PTPRD: variants seen among roughly 807,000 people sequenced by gnomAD.
PTPRD encodes protein tyrosine phosphatase receptor type D, also known as receptor-type tyrosine-protein phosphatase delta.
A neutral mutation model predicts 214.5 loss-of-function variants in PTPRD; 34 were observed. That is an observed-to-expected ratio of 0.16 (90% CI 0.12 to 0.21). The LOEUF is 0.21. Among genes scored for constraint, PTPRD ranks in the 10% least tolerant of loss-of-function variants. The pLI is 1.00. For synonymous variants in PTPRD, 1,128 were observed against 845.7 expected (o/e 1.33, Z -5.79); for missense variants, 2,545 against 2,398.7 (o/e 1.06, Z -1.27).
At chr9:8,609,522 A>G (rs1436856901) in intron 14 of PTPRD, among the ~76,000 whole-genome samples, 1 of 152,246 alleles carries the variant, frequency 6.6e-6, no homozygotes, top group Non-Finnish European at 1.5e-5. Flanking sequence ...AATCAGGTGG[A>G]TGTGCATTCC....
chr9:9,437,749 T>G (rs1345304981), intron 8 of PTPRD, among the ~76,000 whole-genome samples: 2 of 152,150 alleles, frequency 1.3e-5, no homozygotes. Context: ...GACACGGGAC[T>G]GAGATCTGCT....
At chr9:9,910,497 C>T (rs1386696019) in intron 5 of PTPRD, among the ~76,000 whole-genome samples, 1 of 151,974 alleles carries the variant, frequency 6.6e-6, no homozygotes, top group African/African-American at 2.4e-5. Context: ...CATACGTACT[C>T]CTCTTGACAG....
At chr9:9,724,470 G>T (rs759627422) in intron 7 of PTPRD, among the ~76,000 whole-genome samples, 2 of 152,082 alleles carry the variant, frequency 1.3e-5, no homozygotes, top group Non-Finnish European at 2.9e-5. Flanking sequence ...ATGTACATAT[G>T]AATATATATT....
intron 9 of PTPRD, among the ~76,000 whole-genome samples, chr9:9,214,646 A>G (rs2099950962): frequency 6.6e-6 from 1 of 152,238 alleles, no homozygotes; most frequent in Non-Finnish European, 1.5e-5. Context: ...TTTTGTACAC[A>G]TTTGTTTTTT....
chr9:10,490,726 G>T (rs1033407768), intron 2 of PTPRD, among the ~76,000 whole-genome samples: 3 of 151,988 alleles, frequency 2.0e-5, no homozygotes, highest in African/African-American at 7.2e-5. Context: ...CATGCATAAG[G>T]CTTTACCTAT....
In PTPRD at chr9:8,602,178, C is replaced by T. The variant is rs545713110; in HGVS notation, c.352+31139G>A. 1.4e-4 allele frequency among the ~76,000 whole-genome samples: 22 copies of T among 152,296 alleles called. No individual in the cohort carries two copies. In the South Asian group the frequency reaches 2.9e-3, roughly 20 times the overall value. On this transcript the variant is annotated intron_variant, in intron 14 of 45. Coordinates refer to ENST00000381196, the MANE Select transcript of PTPRD (RefSeq NM_002839.4). ...GGTGAAAGAAAAGTGTTTCTATAAA[C>T]GACCTTAGCATTCTATCTTTCACCT...
At position 9,576,148 on chromosome 9, in the gene PTPRD, G is replaced by T. The variant is rs566533010; in HGVS notation, c.-286-1367C>A. On this transcript the variant is annotated intron_variant, in intron 7 of 45. Transcript: ENST00000381196. ...GGAGACTGTGTTTTTCTCAGTTTAT[G>T]CATTAAACTGTTTCAACTAGTTTCT... is the stretch of plus-strand genomic sequence containing the variant. 4.6e-5 allele frequency among the ~76,000 whole-genome samples: 7 copies of T among 152,142 alleles called. No homozygotes were observed. In the South Asian group the frequency reaches 1.5e-3, roughly 32 times the overall value.
At chr9:9,107,714 C>T (rs1374278258) in intron 10 of PTPRD, among the ~76,000 whole-genome samples, 1 of 152,180 alleles carries the variant, frequency 6.6e-6, no homozygotes, top group African/African-American at 2.4e-5. Context: ...TCCTGAATTT[C>T]TTACAGTGAT....
At chr9:8,563,788 A>G (rs964689858) in intron 14 of PTPRD, among the ~76,000 whole-genome samples, 1 of 152,102 alleles carries the variant, frequency 6.6e-6, no homozygotes, top group Non-Finnish European at 1.5e-5. Context: ...CAGCCTCCAG[A>G]GTAGCTGGGA....
intron 11 of PTPRD, among the ~76,000 whole-genome samples, chr9:8,770,059 T>A (rs1349307922): frequency 1.3e-5 from 2 of 152,050 alleles, no homozygotes; most frequent in Non-Finnish European, 2.9e-5. Flanking sequence ...GGCCGGTGGA[T>A]CACCTGAGGT....
chr9:10,171,705 A>G (rs1480780080), intron 3 of PTPRD, among the ~76,000 whole-genome samples: 1 of 151,978 alleles, frequency 6.6e-6, no homozygotes, highest in Non-Finnish European at 1.5e-5. Context: ...TTGTATTTTT[A>G]GTAGAGACGG....
intron 36 of PTPRD, among the ~76,000 whole-genome samples, chr9:8,394,800 C>A (rs1408999061): frequency 1.3e-5 from 2 of 152,078 alleles, no homozygotes; most frequent in Admixed American, 1.3e-4. Flanking sequence ...CTTTGATGTG[C>A]TGAGATGAGA....
At chr9:9,700,668 C>T (rs1207420453) in intron 7 of PTPRD, among the ~76,000 whole-genome samples, 1 of 151,884 alleles carries the variant, frequency 6.6e-6, no homozygotes, top group African/African-American at 2.4e-5. Context: ...ACAATAATTC[C>T]TCATTGTGTA....
chr9:8,625,171 A>C (rs1237872539), intron 14 of PTPRD, among the ~76,000 whole-genome samples: 1 of 151,850 alleles, frequency 6.6e-6, no homozygotes, highest in Non-Finnish European at 1.5e-5. Context: ...CTATGAAGCA[A>C]ATTAAACAGG....
At chr9:10,422,691 G>C (rs1004298370) in intron 2 of PTPRD, among the ~76,000 whole-genome samples, 1 of 152,032 alleles carries the variant, frequency 6.6e-6, no homozygotes, top group East Asian at 1.9e-4. Context: ...GCTGCCAACA[G>C]ACACTTAAAA....
chr9:10,182,792 C>A lies in PTPRD; in HGVS notation c.-544-149002G>T, dbSNP rs182233116. ...GGGTGTATAAATTAGTGCAATCATC[C>A]TAGAAATAATCTGGCAATACTTTAT... is the stretch of plus-strand genomic sequence containing the variant. On this transcript the variant is annotated intron_variant, in intron 3 of 45. Transcript: ENST00000381196. 1.0e-3 allele frequency among the ~76,000 whole-genome samples: 159 copies of A among 152,150 alleles called. 1 individual carries two copies. In the South Asian group the frequency reaches 0.018, roughly 17 times the overall value.
intron 11 of PTPRD, among the ~76,000 whole-genome samples, chr9:8,775,293 C>A (rs1200336025): frequency 6.6e-6 from 1 of 152,010 alleles, no homozygotes; most frequent in African/African-American, 2.4e-5. Flanking sequence ...GAATAAAGAC[C>A]TGGGGCAACA....
At chr9:8,568,145 T>G (rs748412871) in intron 14 of PTPRD, among the ~76,000 whole-genome samples, 1 of 152,152 alleles carries the variant, frequency 6.6e-6, no homozygotes, top group Non-Finnish European at 1.5e-5. Flanking sequence ...AAAAATCCAA[T>G]AGATTTTGGT....
chr9:9,173,808 C>T (rs576517936), intron 10 of PTPRD, among the ~76,000 whole-genome samples: 1 of 152,084 alleles, frequency 6.6e-6, no homozygotes, highest in African/African-American at 2.4e-5. Flanking sequence ...ATCTAATATA[C>T]CCGATACTTT....
Sources: gnomAD v4.1 joint callset for allele counts (sites outside exome capture counted in the v4.1 genomes callset) on GRCh38, gnomAD v4.1.1 for gene constraint, MANE v1.5 for transcripts, NCBI Gene and HGNC (gene_info 2026-07-23, HGNC 2026-07-21) for gene names.